The following PCSK2 variants were observed in gnomAD, a reference collection of about 807,000 sequenced individuals.
The protein encoded by PCSK2 is neuroendocrine convertase 2.
In PCSK2, 14 loss-of-function variants were observed where a neutral mutation model predicts 69.7. The observed-to-expected ratio is 0.20, with a 90% CI of 0.13 to 0.31. The LOEUF (loss-of-function observed/expected upper bound fraction) is 0.31. Ranked by LOEUF, PCSK2 falls within the 10% of genes least tolerant of loss-of-function variation. PCSK2 has a pLI of 1.00. For synonymous variants in PCSK2, 307 were observed against 320.7 expected, an observed-to-expected ratio of 0.96 and a Z score of 0.46; for missense variants, 544 against 842.5, an observed-to-expected ratio of 0.65 and a Z score of 4.39.
chr20:17,261,207 C>A (rs1288677364), intron 2 of PCSK2, among the ~76,000 whole-genome samples: 2 of 152,204 alleles, frequency 1.3e-5, no homozygotes, highest in African/African-American at 4.8e-5. Flanking sequence ...ATAACTCAGA[C>A]AAGTTGTTCT....
rs2033160931 is a variant in PCSK2 at position 17,469,272 on chromosome 20, A to T, written c.1430+3719A>T. On this transcript the variant is annotated intron_variant, in intron 11 of 11. Transcript: ENST00000262545. ...CTGGAAGTCACTTTTATTGAGTGCC[A>T]ACTGCATGCTATGTGCTTTCATACA... Among the ~76,000 whole-genome samples the T allele has an allele frequency of 1.3e-5, 2 of 152,202 alleles. 1 individual carries two copies. Among genetic ancestry groups the T allele is most frequent in the Admixed American group, 1.3e-4 (2 of 15,284 alleles).
intron 2 of PCSK2, among the ~76,000 whole-genome samples, chr20:17,323,292 G>C (rs533528540): frequency 7.2e-5 from 11 of 152,314 alleles, no homozygotes; most frequent in Admixed American, 7.2e-4. Context: ...CGCACACAGA[G>C]GGATGACCAT....
intron 6 of PCSK2, among the ~76,000 whole-genome samples, chr20:17,416,948 CA>C (rs1442299694): frequency 3.3e-5 from 5 of 152,138 alleles, no homozygotes; most frequent in Non-Finnish European, 5.9e-5. Context: ...TGCATGTTCT[CA>C]CTCATAGGTG....
intron 5 of PCSK2, among the ~76,000 whole-genome samples, chr20:17,405,060 T>C (rs901539565): frequency 3.9e-5 from 6 of 152,238 alleles, no homozygotes; most frequent in African/African-American, 1.4e-4. Context: ...GGTGAGGCAT[T>C]GCCCATACTG....
intron 2 of PCSK2, among the ~76,000 whole-genome samples, chr20:17,289,698 T>A (rs1988632548): frequency 6.6e-6 from 1 of 152,176 alleles, no homozygotes; most frequent in African/African-American, 2.4e-5. Context: ...TTCAGTGTTT[T>A]GTCTCTATTT....
chr20:17,258,671 C>A (rs1374662978), intron 1 of PCSK2, among the ~76,000 whole-genome samples: 1 of 151,414 alleles, frequency 6.6e-6, no homozygotes, highest in East Asian at 1.9e-4. Flanking sequence ...ACCCCCAAAC[C>A]CAAAATAAAA....
Position 17,408,216 on chromosome 20 carries a change from A to AC in PCSK2, c.544-1042dup, listed in dbSNP as rs929638320. On this transcript the variant is annotated intron_variant, in intron 5 of 11. Coordinates refer to ENST00000262545, the MANE Select transcript of PCSK2 (RefSeq NM_002594.5). ...AAGCCATCTGGGGTCTTCATTTCAG[A>AC]CCCCCAAAACAAAGGAGAGGAGAAT... Among the ~76,000 whole-genome samples, 19 of 152,104 alleles carry AC rather than the reference A, an allele frequency of 1.2e-4. No individual in the cohort carries two copies. The East Asian group carries it at 1.4e-3, about 11-fold the overall frequency.
At chr20:17,302,705 C>T (rs796889932) in intron 2 of PCSK2, among the ~76,000 whole-genome samples, 1 of 152,236 alleles carries the variant, frequency 6.6e-6, no homozygotes, top group African/African-American at 2.4e-5. Context: ...AGGATCCAGG[C>T]CGTGCTGTGA....
chr20:17,447,225 C>T lies in PCSK2; in HGVS notation c.886-6517C>T, dbSNP rs537181324. ...GGCAAAGACTGCAATAAGTCGAGATCACACCATTGCACTCCAGCCTGGGTG... is the reference window on the plus strand; with the variant it reads ...GGCAAAGACTGCAATAAGTCGAGATTACACCATTGCACTCCAGCCTGGGTG... On this transcript the variant is annotated intron_variant, in intron 8 of 11. Transcript: ENST00000262545. 2.0e-5 allele frequency among the ~76,000 whole-genome samples: 3 copies of T among 150,112 alleles called. No homozygotes were observed. In the East Asian group the frequency reaches 5.9e-4, roughly 29 times the overall value.
chr20:17,413,005 C>G (rs2031912982), intron 6 of PCSK2, among the ~76,000 whole-genome samples: 2 of 152,164 alleles, frequency 1.3e-5, no homozygotes, highest in South Asian at 4.1e-4. Context: ...ACCACCAGGC[C>G]TGCCTTACAA....
intron 5 of PCSK2, among the ~76,000 whole-genome samples, chr20:17,392,867 A>G (rs1360751522): frequency 3.3e-5 from 5 of 152,178 alleles, no homozygotes; most frequent in Admixed American, 3.3e-4. Context: ...GATTATAAAT[A>G]AAATCGTTAT....
intron 2 of PCSK2, among the ~76,000 whole-genome samples, chr20:17,347,472 C>A (rs1316145950): frequency 2.6e-5 from 4 of 152,114 alleles, no homozygotes; most frequent in South Asian, 4.1e-4. Context: ...TTCCATCAAT[C>A]GCTTTTGGGG....
intron 5 of PCSK2, among the ~76,000 whole-genome samples, chr20:17,385,648 G>A (rs1480512851): frequency 1.3e-5 from 2 of 152,164 alleles, no homozygotes; most frequent in Non-Finnish European, 2.9e-5. Flanking sequence ...GTCTTAGCTG[G>A]GATTCCTCCA....
chr20:17,230,151 T>C lies in PCSK2; in HGVS notation c.177+2669T>C, dbSNP rs79146198. On this transcript the variant is annotated intron_variant, in intron 1 of 11. Coordinates refer to ENST00000262545, the MANE Select transcript of PCSK2 (RefSeq NM_002594.5). ...TTGTACTTTTGCCAACATTTGTTAT[T>C]GTGCATCTTAGAGGCCCTTATGTCC... 4.2e-3 allele frequency among the ~76,000 whole-genome samples: 637 copies of C among 152,326 alleles called. 7 individuals carry two copies. Among genetic ancestry groups the C allele is most frequent in the Middle Eastern group, 0.017 (5 of 294 alleles).
intron 1 of PCSK2, among the ~76,000 whole-genome samples, chr20:17,251,833 T>A (rs1221955550): frequency 1.3e-5 from 2 of 152,154 alleles, no homozygotes; most frequent in East Asian, 3.9e-4. Context: ...TTGGGAAGAC[T>A]CAACAGCTAG....
At chr20:17,269,895 A>G (rs1384112588) in intron 2 of PCSK2, among the ~76,000 whole-genome samples, 5 of 152,164 alleles carry the variant, frequency 3.3e-5, no homozygotes, top group Non-Finnish European at 5.9e-5. Context: ...CAATTAAGGA[A>G]AATAAAATTA....
chr20:17,309,448 T>C (rs570175851), intron 2 of PCSK2, among the ~76,000 whole-genome samples: 5 of 152,192 alleles, frequency 3.3e-5, no homozygotes, highest in African/African-American at 1.2e-4. Flanking sequence ...ATAAATACTC[T>C]GCAGAGTACT....
chr20:17,479,031 G>A (rs2033342022), intron 11 of PCSK2: 2 of 998,886 alleles, frequency 2.0e-6, no homozygotes, highest in Admixed American at 3.6e-5. Context: ...ATTTTTGAAA[G>A]GATACACTGA....
chr20:17,444,621 C>G (rs1392969952), intron 8 of PCSK2, among the ~76,000 whole-genome samples: 2 of 152,156 alleles, frequency 1.3e-5, no homozygotes, highest in Non-Finnish European at 2.9e-5. Context: ...AGAAGCAGAT[C>G]CTGAGGCAAG....
Sources: allele counts gnomAD v4.1 joint callset (sites outside exome capture counted in the v4.1 genomes callset), GRCh38; gene constraint gnomAD v4.1.1; transcripts MANE v1.5; gene names NCBI Gene and HGNC (gene_info 2026-07-23, HGNC 2026-07-21).